TNIP3: variants seen among roughly 807,000 people sequenced by gnomAD.
TNIP3 encodes the protein TNFAIP3 interacting protein 3, also known as TNFAIP3-interacting protein 3.
TNIP3 carries 34 observed loss-of-function variants against 54.1 expected under a neutral mutation model. The ratio of observed to expected loss-of-function variants is 0.63; its 90% confidence interval spans 0.48 to 0.84. TNIP3 has a LOEUF of 0.84. TNIP3 is among the 40% of genes least tolerant of loss of function. The pLI is 0.00. For missense variants in TNIP3, 366 were observed against 387.6 expected, an observed-to-expected ratio of 0.94 and a Z score of 0.47; for synonymous variants, 134 against 136.8, an observed-to-expected ratio of 0.98 and a Z score of 0.14.
chr4:121,162,916 T>C (rs1440884077), intron 1 of TNIP3, among the ~76,000 whole-genome samples: 1 of 152,212 alleles, frequency 6.6e-6, no homozygotes, highest in African/African-American at 2.4e-5. Flanking sequence ...GGCAAACATT[T>C]GTATGTCCCT....
intron 2 of TNIP3, among the ~76,000 whole-genome samples, chr4:121,189,049 T>C (rs1725166525): frequency 6.6e-6 from 1 of 152,146 alleles, no homozygotes; most frequent in East Asian, 1.9e-4. Context: ...ATAATTACAT[T>C]CAATAGGAAA....
upstream of TNIP3, among the ~76,000 whole-genome samples, chr4:121,218,642 C>T (rs1726903973): frequency 6.7e-6 from 1 of 149,196 alleles, no homozygotes; most frequent in Non-Finnish European, 1.5e-5. Flanking sequence ...CTCTCTCTGT[C>T]TCTCTTTCTT....
chr4:121,165,870 C>T (rs1730738771), upstream of TNIP3, among the ~76,000 whole-genome samples: 1 of 152,104 alleles, frequency 6.6e-6, no homozygotes. Flanking sequence ...GCAGCGATTT[C>T]CTGAACTGAC....
chr4:121,196,046 G>A (rs928847121), intron 2 of TNIP3, among the ~76,000 whole-genome samples: 1 of 152,192 alleles, frequency 6.6e-6, no homozygotes, highest in Non-Finnish European at 1.5e-5. Context: ...CCACACGCTT[G>A]ATTTTATTAA....
intron 3 of TNIP3, among the ~76,000 whole-genome samples, 153 bp downstream of exon 3, chr4:121,158,534 G>A (rs1318548174): frequency 6.6e-6 from 1 of 152,128 alleles, no homozygotes; most frequent in Non-Finnish European, 1.5e-5. Context: ...AGTGCCATGA[G>A]ACCAATACTA....
At chr4:121,140,548 C>T (rs1470046268) in intron 9 of TNIP3, among the ~76,000 whole-genome samples, 2 of 152,024 alleles carry the variant, frequency 1.3e-5, no homozygotes, top group Non-Finnish European at 2.9e-5. Context: ...ATAATTTGTA[C>T]TCCTAGGTAA....
At chr4:121,222,945 A>G (rs1727099943) in intron 1 of TNIP3, among the ~76,000 whole-genome samples, 2 of 151,742 alleles carry the variant, frequency 1.3e-5, no homozygotes, top group Non-Finnish European at 2.9e-5. Context: ...AGCTGGGACT[A>G]CAGGCGCCCA....
In TNIP3 at chr4:121,158,789, T is replaced by C. The variant is rs1362483318; in HGVS notation, c.148-37A>G. The stretch of plus-strand genomic sequence containing the variant: ...AAAATTTGGTGAATCAACAAAGAAT[T>C]TCTGCCCATTTGGAAGTTTGGTCAA... On this transcript the variant is annotated intron_variant, in intron 2 of 10. Coordinates refer to ENST00000057513, the MANE Select transcript of TNIP3 (RefSeq NM_024873.6). 5.2e-6 allele frequency: 8 copies of C among 1,543,580 alleles called. No homozygotes were observed. In the East Asian group the frequency reaches 9.0e-5, roughly 17 times the overall value.
chr4:121,205,140 T>C lies in TNIP3; in HGVS notation c.68+11275A>G, dbSNP rs1016304841. Among the ~76,000 whole-genome samples the C allele has an allele frequency of 3.3e-5, 5 of 152,164 alleles. No homozygotes were observed. In the South Asian group the frequency reaches 1.0e-3, roughly 32 times the overall value. ...TGTAAGTGGAATCAGGGTTATGAGG[T>C]GTTAGCTGGGGAGATGGGAATTGCA... is the stretch of plus-strand genomic sequence containing the variant. On this transcript the variant is annotated intron_variant, in intron 2 of 12. Coordinates refer to the TNIP3 transcript ENST00000507879.
chr4:121,201,057 T>C (rs1258105971), intron 2 of TNIP3, among the ~76,000 whole-genome samples: 3 of 152,172 alleles, frequency 2.0e-5, no homozygotes, highest in Non-Finnish European at 4.4e-5. Context: ...AGGGGAACTT[T>C]GGTGGCTGCA....
chr4:121,150,296 T>A, intron 5 of TNIP3, 77 bp from the exon 6 acceptor site: 1 of 853,296 alleles, frequency 1.2e-6, no homozygotes, highest in South Asian at 1.9e-5. Flanking sequence ...GTTACAATCA[T>A]CTCAAATGCA....
chr4:121,194,243 G>A (rs572941672), intron 2 of TNIP3, among the ~76,000 whole-genome samples: 7 of 151,876 alleles, frequency 4.6e-5, no homozygotes, highest in Non-Finnish European at 1.0e-4. Context: ...AACTTTCAGT[G>A]GTAACTTATT....
intron 3 of TNIP3, among the ~76,000 whole-genome samples, chr4:121,174,843 G>A (rs1448732581): frequency 2.0e-5 from 3 of 152,250 alleles, no homozygotes; most frequent in Non-Finnish European, 2.9e-5. Context: ...AGAATGACAC[G>A]AACATTCTTC....
chr4:121,206,684 C>A (rs1474089025), intron 2 of TNIP3, among the ~76,000 whole-genome samples: 1 of 152,032 alleles, frequency 6.6e-6, no homozygotes. Context: ...GTAACTGAGA[C>A]CACAGCAGCT....
At chr4:121,199,891 G>A (rs1438394351) in intron 2 of TNIP3, among the ~76,000 whole-genome samples, 1 of 152,174 alleles carries the variant, frequency 6.6e-6, no homozygotes, top group Non-Finnish European at 1.5e-5. Context: ...CGAAGGCTGG[G>A]ATACAGCCCA....
intron 2 of TNIP3, among the ~76,000 whole-genome samples, chr4:121,188,874 T>C (rs1725157695): frequency 6.6e-6 from 1 of 152,200 alleles, no homozygotes; most frequent in African/African-American, 2.4e-5. Context: ...TTGTAAATTA[T>C]ACATTAACAC....
chr4:121,217,340 G>A (rs1726840577), upstream of TNIP3, among the ~76,000 whole-genome samples: 3 of 152,116 alleles, frequency 2.0e-5, no homozygotes, highest in South Asian at 6.2e-4. Flanking sequence ...TGAGTTTCAA[G>A]CATTTCTGTT....
At chr4:121,135,959 A>G (rs1191352794) in intron 10 of TNIP3, among the ~76,000 whole-genome samples, 1 of 152,222 alleles carries the variant, frequency 6.6e-6, no homozygotes, top group Non-Finnish European at 1.5e-5. Context: ...TAGGAATCCC[A>G]AACAGGTAGA....
intron 2 of TNIP3, among the ~76,000 whole-genome samples, chr4:121,184,389 A>G (rs188711224): frequency 3.3e-5 from 5 of 152,236 alleles, no homozygotes; most frequent in Non-Finnish European, 5.9e-5. Flanking sequence ...GTTTCCATTG[A>G]TATGACTTGA....
Sources: allele counts gnomAD v4.1 joint callset (sites outside exome capture counted in the v4.1 genomes callset), GRCh38; gene constraint gnomAD v4.1.1; transcripts MANE v1.5; gene names NCBI Gene and HGNC (gene_info 2026-07-23, HGNC 2026-07-21).